SLC6A6: variants seen among roughly 807,000 people sequenced by gnomAD.
SLC6A6 encodes solute carrier family 6 member 6.
Under a neutral mutation model 68.8 loss-of-function variants are expected in SLC6A6, and 16 were observed. That is an observed-to-expected ratio of 0.23 (90% confidence interval 0.16 to 0.35). The LOEUF (loss-of-function observed/expected upper bound fraction) is 0.35, where lower values mean the gene tolerates loss of function less well. Among genes scored for constraint, SLC6A6 ranks in the 10% least tolerant of loss-of-function variants. The probability of loss-of-function intolerance (pLI) is 1.00; values close to 1 mark genes in which losing one functional copy is unlikely to be tolerated. For missense variants in SLC6A6, 474 were observed against 802.8 expected (o/e 0.59, Z 4.95); for synonymous variants, 312 against 315.4 (o/e 0.99, Z 0.12).
Position 14,468,304 on chromosome 3 carries a change from T to G in SLC6A6, c.1096+92T>G. The G allele has an allele frequency of 8.7e-7, 1 of 1,155,204 alleles. No homozygotes were observed. The highest frequency in any genetic ancestry group is 1.2e-6 in the Non-Finnish European group (1 of 842,234). The allele number at this position is 1,155,204 out of a possible 1,614,324, so 71.6% of individuals were successfully genotyped here. A position where few individuals can be genotyped will look rare whatever the true frequency, so the allele number is the denominator to read the frequency against. On this transcript the variant is annotated intron_variant, in intron 9 of 14. Coordinates refer to ENST00000622186, the MANE Select transcript of SLC6A6 (RefSeq NM_003043.6). The surrounding 1 kb of genome is among the most constrained non-coding windows in gnomAD (Gnocchi z 4.5). ...CATGAAGCCAGACCCCAGGGGGCTT[T>G]GAGGGGGGACGAGCCTGGTTTCTAA... is the stretch of plus-strand genomic sequence containing the variant.
At chr3:14,416,204 G>A (rs17308602) in intron 1 of SLC6A6, among the ~76,000 whole-genome samples, 6,974 of 152,274 alleles carry the variant, frequency 0.046, 212 homozygotes, top group Non-Finnish European at 0.071. Flanking sequence ...TTACACTTGT[G>A]TCTGTGCGTC....
intron 4 of SLC6A6, 83 bp from the exon 5 acceptor site, chr3:14,447,499 C>G: frequency 1.3e-6 from 2 of 1,569,074 alleles, no homozygotes; most frequent in Non-Finnish European, 1.7e-6. Flanking sequence ...CCTGGGGATA[C>G]CATGGCCTTC....
At chr3:14,436,626 C>T (rs886260127) in intron 2 of SLC6A6, among the ~76,000 whole-genome samples, 3 of 137,428 alleles carry the variant, frequency 2.2e-5, no homozygotes, top group African/African-American at 5.5e-5. Flanking sequence ...GTGCCCTTGG[C>T]AGGCATCACT....
At chr3:14,449,297 G>A (rs936574164) in intron 5 of SLC6A6, among the ~76,000 whole-genome samples, 2 of 152,260 alleles carry the variant, frequency 1.3e-5, no homozygotes, top group Admixed American at 1.3e-4. Flanking sequence ...TTCCTCTAGT[G>A]TGTATATTTT....
chr3:14,482,109 G>A (rs1245042103), intron 14 of SLC6A6, among the ~76,000 whole-genome samples: 1 of 152,232 alleles, frequency 6.6e-6, no homozygotes, highest in Non-Finnish European at 1.5e-5. Flanking sequence ...ATGTGAGAGG[G>A]AAGGTGTTCC....
intron 6 of SLC6A6, among the ~76,000 whole-genome samples, chr3:14,460,769 C>T (rs535571944): frequency 2.0e-5 from 3 of 152,332 alleles, no homozygotes; most frequent in East Asian, 1.9e-4. Context: ...CAGGGGTGGG[C>T]GTGATTCCCA....
intron 6 of SLC6A6, among the ~76,000 whole-genome samples, chr3:14,463,419 C>A (rs1700540103): frequency 6.6e-6 from 1 of 152,260 alleles, no homozygotes; most frequent in Admixed American, 6.5e-5. Flanking sequence ...ACAAAGAAAG[C>A]CACCTCCACA....
intron 1 of SLC6A6, among the ~76,000 whole-genome samples, chr3:14,413,166 T>C (rs1483804096): frequency 6.6e-6 from 1 of 152,164 alleles, no homozygotes; most frequent in Non-Finnish European, 1.5e-5. Flanking sequence ...GGGGAGCCAC[T>C]GGGGATGCTC....
chr3:14,438,437 G>A (rs1256061665), intron 2 of SLC6A6, among the ~76,000 whole-genome samples: 2 of 152,178 alleles, frequency 1.3e-5, no homozygotes, highest in Non-Finnish European at 2.9e-5. Flanking sequence ...GGGCAGAAAA[G>A]TGAGGAAAGG....
intron 3 of SLC6A6, 68 bp downstream of exon 3, chr3:14,443,931 C>T (rs563844068): frequency 8.7e-7 from 1 of 1,143,572 alleles, no homozygotes; most frequent in Non-Finnish European, 1.3e-6. Flanking sequence ...GAGGCTGGGA[C>T]CAGAGCGTGG....
In SLC6A6 at chr3:14,468,253, C is replaced by CTAGTGTG. The variant is rs1253727617; in HGVS notation, c.1096+44_1096+50dup. The CTAGTGTG allele has an allele frequency of 1.3e-6, 2 of 1,592,346 alleles. No individual in the cohort carries two copies. The highest frequency in any genetic ancestry group is 4.5e-5 in the East Asian group (2 of 44,656). ...TGGCAGTGGTGGTGGGCACTGCCAC[C>CTAGTGTG]TAGTGTGTAAGCCAAGTACTGCAGG... On this transcript the variant is annotated intron_variant, in intron 9 of 14. Transcript: ENST00000622186. This position sits in a 1 kb window ranked among gnomAD's most constrained non-coding sequence, Gnocchi z 4.5.
chr3:14,471,617 G>T (rs570229422), intron 9 of SLC6A6, among the ~76,000 whole-genome samples: 5 of 152,222 alleles, frequency 3.3e-5, no homozygotes, highest in African/African-American at 1.2e-4. Context: ...TTTGGGCCCT[G>T]GTTGGCCCAA....
In SLC6A6 at chr3:14,461,101, A is replaced by G. The variant is rs573914271; in HGVS notation, c.732+3019A>G. 1.6e-3 allele frequency among the ~76,000 whole-genome samples: 247 copies of G among 152,218 alleles called. 1 individual carries two copies. The highest frequency in any genetic ancestry group is 5.7e-3 in the African/African-American group (237 of 41,538). ...CTAGGTTGCAGTTTCCTTTTTTGTA[A>G]TTTTCACTATTCCAGGAAGTTGAAA... On this transcript the variant is annotated intron_variant, in intron 6 of 14. Transcript: ENST00000622186.
chr3:14,455,813 G>A (rs1700353806), intron 5 of SLC6A6, among the ~76,000 whole-genome samples: 1 of 152,270 alleles, frequency 6.6e-6, no homozygotes, highest in African/African-American at 2.4e-5. Context: ...CCACATGCTT[G>A]GCAGGGCCCC....
intron 2 of SLC6A6, among the ~76,000 whole-genome samples, chr3:14,433,089 GTGAAGGTGGGACGTTAGTGCT>G (rs1699766013): frequency 1.1e-4 from 1 of 8,798 alleles, no homozygotes; most frequent in Non-Finnish European, 2.3e-4. Flanking sequence ...CGTTAGTGCT[GTGAAGGTGGGACGTTAGTGCT>G]GTGAAGGTGG....
chr3:14,417,600 C>T (rs569600052), intron 2 of SLC6A6, among the ~76,000 whole-genome samples: 114 of 152,228 alleles, frequency 7.5e-4, no homozygotes, highest in South Asian at 1.2e-3. Flanking sequence ...GACGTGGTGG[C>T]GGGCGCCTGT....
chr3:14,478,885 G>A, intron 12 of SLC6A6, 200 bp from the exon 13 acceptor site: 1 of 600,322 alleles, frequency 1.7e-6, no homozygotes, highest in Admixed American at 2.9e-5. Flanking sequence ...GGTTTGGAGT[G>A]TGCCTCAGAT....
At chr3:14,404,034 A>G (rs1021189582) in intron 1 of SLC6A6, among the ~76,000 whole-genome samples, 1 of 152,238 alleles carries the variant, frequency 6.6e-6, no homozygotes, top group Non-Finnish European at 1.5e-5. Context: ...AAATCAGCTC[A>G]GTAATTGCCC....
chr3:14,409,748 A>AG, intron 1 of SLC6A6, among the ~76,000 whole-genome samples: 1 of 152,196 alleles, frequency 6.6e-6, no homozygotes, highest in Non-Finnish European at 1.5e-5. Context: ...CTCAGGTCTG[A>AG]GGGAGAGCAG....
Sources: allele counts gnomAD v4.1 joint callset (sites outside exome capture counted in the v4.1 genomes callset), GRCh38; gene constraint gnomAD v4.1.1; non-coding constraint Gnocchi (gnomAD v3.1); transcripts MANE v1.5; gene names NCBI Gene and HGNC (gene_info 2026-07-23, HGNC 2026-07-21).